SCEL: variants seen among roughly 807,000 people sequenced by gnomAD.
The protein encoded by SCEL is sciellin.
In SCEL, 113 loss-of-function variants were observed where a neutral mutation model predicts 117.6. The observed-to-expected ratio is 0.96, with a 90% CI of 0.83 to 1.12. SCEL has a LOEUF of 1.12. Ranked by LOEUF, SCEL falls within the 50% of genes most tolerant of loss-of-function variation. SCEL has a pLI of 0.00. For missense variants in SCEL, 785 were observed against 810.8 expected (o/e 0.97, Z 0.39); for synonymous variants, 270 against 256.2 (o/e 1.05, Z -0.51).
chr13:77,624,267 A>G (rs934480537), intron 27 of SCEL, among the ~76,000 whole-genome samples: 1 of 151,800 alleles, frequency 6.6e-6, no homozygotes, highest in African/African-American at 2.4e-5. Flanking sequence ...CACCACGCTC[A>G]GCTAATTTTT....
rs1204991484 is a variant in SCEL, at chr13:77,568,386, C to A, written c.398+53C>A. 7.8e-6 allele frequency: 9 copies of A among 1,147,100 alleles called. No homozygotes were observed. The South Asian group carries it at 8.2e-5, about 10-fold the overall frequency. 71.1% of individuals were successfully genotyped at this position (1,147,100 alleles called of 1,614,324 possible). ...TTTCTTTTTATGTATTCAAGAAAAA[C>A]CAGGGAAAACCACCTCAGGCCAATT... On this transcript the variant is annotated intron_variant, in intron 7 of 32. Coordinates refer to ENST00000349847, the MANE Select transcript of SCEL (RefSeq NM_144777.3).
rs764385185 is a variant in SCEL, at chr13:77,637,213, C to T, written c.1838+19C>T. The T allele has an allele frequency of 1.5e-6, 2 of 1,365,402 alleles. No individual in the cohort carries two copies. The highest frequency in any genetic ancestry group is 2.6e-5 in the South Asian group (2 of 76,010). The allele number at this position is 1,365,402 out of a possible 1,614,324, so 84.6% of individuals were successfully genotyped here. On this transcript the variant is annotated intron_variant, in intron 30 of 32. Coordinates refer to ENST00000349847, the MANE Select transcript of SCEL (RefSeq NM_144777.3). ...CTGATAGGTGAGTATGTCTTTATTT[C>T]CATACATAAAAAGTACACACATACA...
rs1440724931 is a variant in SCEL, at chr13:77,593,588, C to A, written c.752+15C>A. On this transcript the variant is annotated intron_variant, in intron 12 of 32. Coordinates refer to ENST00000349847, the MANE Select transcript of SCEL (RefSeq NM_144777.3). ...AGTGACAAAGGGTGAGATCTCAGAGCTTTTGAGCTTGGGTTTTATCTTCCC... is the reference window on the plus strand; with the variant it reads ...AGTGACAAAGGGTGAGATCTCAGAGATTTTGAGCTTGGGTTTTATCTTCCC... The A allele has an allele frequency of 1.6e-5, 25 of 1,606,540 alleles. No homozygotes were observed. Among genetic ancestry groups the A allele is most frequent in the Non-Finnish European group, 2.1e-5 (25 of 1,174,382 alleles).
At chr13:77,630,404 C>A (rs1302493134) in intron 28 of SCEL, among the ~76,000 whole-genome samples, 1 of 152,140 alleles carries the variant, frequency 6.6e-6, no homozygotes, top group Non-Finnish European at 1.5e-5. Context: ...GGTGGCCAGA[C>A]AATTTTGTTT....
At chr13:77,552,778 G>A (rs1037078673) in intron 1 of SCEL, among the ~76,000 whole-genome samples, 13 of 152,210 alleles carry the variant, frequency 8.5e-5, no homozygotes, top group African/African-American at 2.9e-4. Flanking sequence ...CCATGCCTAT[G>A]TCCTGAATGG....
Position 77,604,345 on chromosome 13 carries a change from C to G in SCEL, c.1098-11C>G. On this transcript the variant is annotated splice_polypyrimidine_tract_variant and intron_variant, in intron 18 of 32. Coordinates refer to ENST00000349847, the MANE Select transcript of SCEL (RefSeq NM_144777.3). ...AACATCATTCATTAAAATTAATTTC[C>G]TTTTTCAAAGAAAAAAAGACCTTGA... The G allele has an allele frequency of 6.6e-7, 1 of 1,518,586 alleles. No individual in the cohort carries two copies. The highest frequency in any genetic ancestry group is 8.9e-7 in the Non-Finnish European group (1 of 1,122,820). The allele number at this position is 1,518,586 out of a possible 1,614,324, so 94.1% of individuals were successfully genotyped here.
chr13:77,627,942 CT>C lies in SCEL; in HGVS notation c.1629-3del. 1.5e-6 allele frequency: 2 copies of C among 1,353,810 alleles called. No individual in the cohort carries two copies. Among genetic ancestry groups the C allele is most frequent in the African/African-American group, 1.5e-5 (1 of 68,750 alleles). The allele number at this position is 1,353,810 out of a possible 1,614,324, so 83.9% of individuals were successfully genotyped here. A position where few individuals can be genotyped will look rare whatever the true frequency, so the allele number is the denominator to read the frequency against. On this transcript the variant is annotated splice_region_variant and splice_polypyrimidine_tract_variant and intron_variant, in intron 27 of 32. Transcript: ENST00000349847. ...TTATTCATATATATATATTTTTTTCCTTAGAGACCAGAACCTGGAAAATTTA... is the reference window on the plus strand; with the variant it reads ...TTATTCATATATATATATTTTTTTCCTAGAGACCAGAACCTGGAAAATTTA...
intron 27 of SCEL, among the ~76,000 whole-genome samples, chr13:77,618,887 C>T (rs556795821): frequency 2.2e-4 from 33 of 152,296 alleles, no homozygotes; most frequent in African/African-American, 7.2e-4. Flanking sequence ...CCTAGATCCA[C>T]AGCTAGTGTG....
chr13:77,608,789 G>A (rs1248114495), intron 20 of SCEL, among the ~76,000 whole-genome samples: 2 of 152,136 alleles, frequency 1.3e-5, no homozygotes, highest in African/African-American at 4.8e-5. Context: ...AGATTATTAT[G>A]TCACTCATTA....
chr13:77,632,933 A>G (rs2090091163), intron 28 of SCEL, among the ~76,000 whole-genome samples: 2 of 152,224 alleles, frequency 1.3e-5, no homozygotes, highest in Non-Finnish European at 2.9e-5. Flanking sequence ...AAATTCTTAG[A>G]TATATTGTAC....
intron 29 of SCEL, among the ~76,000 whole-genome samples, chr13:77,636,512 A>G (rs2090285385): frequency 6.6e-6 from 1 of 152,198 alleles, no homozygotes; most frequent in Admixed American, 6.5e-5. Context: ...GTACTTGGAA[A>G]GCAATTATGG....
chr13:77,562,113 C>A (rs1046727776), intron 4 of SCEL, among the ~76,000 whole-genome samples: 2 of 152,134 alleles, frequency 1.3e-5, no homozygotes, highest in African/African-American at 4.8e-5. Context: ...GCATCAGTAG[C>A]TGTGTTAAGA....
chr13:77,634,081 G>C lies in SCEL; in HGVS notation c.1692-298G>C, dbSNP rs575240139. Among the ~76,000 whole-genome samples the C allele has an allele frequency of 7.9e-5, 12 of 152,290 alleles. 1 individual carries two copies. The highest frequency in any genetic ancestry group is 2.9e-4 in the African/African-American group (12 of 41,564). ...TGAGACATCAGAGAAAGAGACACTA[G>C]AACATATTATACAAATATTCAAAAA... On this transcript the variant is annotated intron_variant, in intron 28 of 32. Coordinates refer to ENST00000349847, the MANE Select transcript of SCEL (RefSeq NM_144777.3).
chr13:77,544,598 G>T (rs1459913230), intron 1 of SCEL, among the ~76,000 whole-genome samples: 2 of 152,214 alleles, frequency 1.3e-5, no homozygotes, highest in Non-Finnish European at 1.5e-5. Flanking sequence ...TTGGCATTGG[G>T]ACAAGAGGAG....
chr13:77,597,487 C>G (rs1005658323), intron 12 of SCEL, 58 bp from the exon 13 acceptor site: 26 of 979,482 alleles, frequency 2.7e-5, no homozygotes, highest in Non-Finnish European at 3.9e-5. Context: ...GGCAAATTTA[C>G]CCTTTGACCC....
At chr13:77,599,769 A>G in intron 15 of SCEL, 21 bp downstream of exon 15, 1 of 1,557,732 alleles carries the variant, frequency 6.4e-7, no homozygotes, top group South Asian at 1.1e-5. Flanking sequence ...ATTAAGACAG[A>G]CCATTTTGAT....
intron 12 of SCEL, among the ~76,000 whole-genome samples, chr13:77,594,603 G>A (rs993104488): frequency 3.9e-5 from 6 of 152,124 alleles, no homozygotes; most frequent in African/African-American, 7.2e-5. Context: ...ACTCAGTTTT[G>A]TTTCCTGTTA....
Position 77,618,048 on chromosome 13 carries a change from G to A in SCEL, c.1616G>A (p.Arg539Lys). The A allele has an allele frequency of 6.2e-7, 1 of 1,612,472 alleles. No individual in the cohort carries two copies. The highest frequency in any genetic ancestry group is 1.1e-5 in the South Asian group (1 of 91,044). ...ATTAAAGTGAAACCTTCAGCTCTTA[G>A]AAACACTAATCGGTAAATGACCTTG... ...NLIKVKPSAL[R>K]NTNRDQNLEN... is the part of the protein sequence containing the mutation. Residue 539 changes from arginine to lysine, a missense_variant, in exon 27 of 33, where the codon AGA becomes AAA. Transcript: ENST00000349847.
chr13:77,571,508 G>A (rs1260259186), intron 8 of SCEL, among the ~76,000 whole-genome samples: 1 of 151,774 alleles, frequency 6.6e-6, no homozygotes, highest in African/African-American at 2.4e-5. Context: ...GACCAACATG[G>A]AGAAACCCCA....
Sources: gnomAD v4.1 joint callset for allele counts (sites outside exome capture counted in the v4.1 genomes callset) on GRCh38, gnomAD v4.1.1 for gene constraint, MANE v1.5 for transcripts, NCBI Gene and HGNC (gene_info 2026-07-23, HGNC 2026-07-21) for gene names.